The following BTG4 variants were observed in gnomAD, a reference collection of about 807,000 sequenced individuals.
BTG4 encodes BTG anti-proliferation factor 4.
In BTG4, 10 loss-of-function variants were observed where a neutral mutation model predicts 19.3. That is an observed-to-expected ratio of 0.52 (90% CI 0.32 to 0.88). The LOEUF (loss-of-function observed/expected upper bound fraction) is 0.88, where lower values mean the gene tolerates loss of function less well. Among genes scored for constraint, BTG4 ranks in the 40% least tolerant of loss-of-function variants. BTG4 has a pLI of 0.04. For synonymous variants in BTG4, 91 were observed against 95.7 expected, an observed-to-expected ratio of 0.95 and a Z score of 0.29; for missense variants, 238 against 281.9, an observed-to-expected ratio of 0.84 and a Z score of 1.11.
At chr11:111,490,135 A>G (rs1303214431), downstream of BTG4, among the ~76,000 whole-genome samples, 1 of 134,114 alleles carries the variant, frequency 7.5e-6, no homozygotes, top group East Asian at 2.2e-4. Flanking sequence ...AAAAAAAATT[A>G]GCTGGGTGTG....
At chr11:111,405,731 A>G in the BTG4 span, among the ~76,000 whole-genome samples, 1 of 152,214 alleles carries the variant, frequency 6.6e-6, no homozygotes, top group East Asian at 1.9e-4. Flanking sequence ...GGCAGTTAGC[A>G]CAAACTCAAA....
the BTG4 span, among the ~76,000 whole-genome samples, chr11:111,428,013 G>A: frequency 6.6e-6 from 1 of 152,160 alleles, no homozygotes; most frequent in Non-Finnish European, 1.5e-5. Context: ...CAAGCCCCCG[G>A]CAAGCAGCTG....
intron 5 of BTG4, among the ~76,000 whole-genome samples, chr11:111,489,078 C>A (rs143004690): frequency 6.6e-6 from 1 of 151,254 alleles, no homozygotes; most frequent in African/African-American, 2.4e-5. Flanking sequence ...CAGAAGCAGA[C>A]GTTGTGGCGA....
rs1189154053 is a variant in BTG4, at chr11:111,507,754, C to A, written c.-27+4427G>T. On this transcript the variant is annotated intron_variant, in intron 1 of 4. Coordinates refer to ENST00000692032, the MANE Select transcript of BTG4 (RefSeq NM_001367975.1). ...GTCAGCCCCTAAAGAGGAGAGGGAT[C>A]CTCTCAGATTTGATCCTGAGCCTTC... 2.0e-5 allele frequency: 3 copies of A among 152,174 alleles called. No individual in the cohort carries two copies. In the East Asian group the frequency reaches 5.8e-4, roughly 29 times the overall value. 9.4% of individuals were successfully genotyped at this position (152,174 alleles called of 1,614,324 possible).
At chr11:111,408,067 A>T in the BTG4 span, among the ~76,000 whole-genome samples, 27 of 152,350 alleles carry the variant, frequency 1.8e-4, 1 homozygote, top group South Asian at 4.6e-3. Flanking sequence ...TCCACTCTGC[A>T]CAGGCTTACC....
chr11:111,495,329 T>C lies in BTG4; in HGVS notation c.511-15A>G. The C allele has an allele frequency of 6.3e-7, 1 of 1,591,832 alleles. No homozygotes were observed. The highest frequency in any genetic ancestry group is 8.6e-7 in the Non-Finnish European group (1 of 1,162,598). On this transcript the variant is annotated splice_polypyrimidine_tract_variant and intron_variant, in intron 4 of 4. Transcript: ENST00000692032. Reference sequence around the variant, plus strand: ...AAGTTTTCAACCTGGAAAAAAAAAGTATAAAGATCTCTAATAAGCTAGCTG... The same window carrying C: ...AAGTTTTCAACCTGGAAAAAAAAAGCATAAAGATCTCTAATAAGCTAGCTG...
intron 5 of BTG4, among the ~76,000 whole-genome samples, chr11:111,484,424 C>G (rs1367420030): frequency 6.6e-6 from 1 of 152,060 alleles, no homozygotes; most frequent in Non-Finnish European, 1.5e-5. Flanking sequence ...ATAATTACAA[C>G]TACATTTTAA....
chr11:111,507,705 C>A (rs1003162629), intron 1 of BTG4: 13 of 152,140 alleles, frequency 8.5e-5, no homozygotes, highest in African/African-American at 2.9e-4. Context: ...GTGGGCTAAC[C>A]CTTCCCAAGA....
At chr11:111,433,286 A>G in the BTG4 span, among the ~76,000 whole-genome samples, 1 of 152,256 alleles carries the variant, frequency 6.6e-6, no homozygotes, top group Non-Finnish European at 1.5e-5. Flanking sequence ...CAAACCTGAC[A>G]AAAACAAGCA....
chr11:111,442,717 A>G, the BTG4 span, among the ~76,000 whole-genome samples: 2 of 152,140 alleles, frequency 1.3e-5, no homozygotes, highest in Admixed American at 6.6e-5. Context: ...GGGAAAAAAA[A>G]AAACTCTCTA....
chr11:111,413,840 G>A, the BTG4 span, among the ~76,000 whole-genome samples: 1 of 152,208 alleles, frequency 6.6e-6, no homozygotes, highest in Non-Finnish European at 1.5e-5. Flanking sequence ...TTCCAAGAAG[G>A]TACAACCAGA....
chr11:111,445,536 A>G, the BTG4 span, among the ~76,000 whole-genome samples: 1 of 152,232 alleles, frequency 6.6e-6, no homozygotes, highest in Non-Finnish European at 1.5e-5. Context: ...GACTGAGCCT[A>G]GGAAAGAGGT....
At chr11:111,442,598 A>C in the BTG4 span, among the ~76,000 whole-genome samples, 1 of 151,354 alleles carries the variant, frequency 6.6e-6, no homozygotes, top group Non-Finnish European at 1.5e-5. Context: ...AGTACTCGAA[A>C]AACAACAACA....
At chr11:111,490,786 A>G (rs1017526132), downstream of BTG4, among the ~76,000 whole-genome samples, 4 of 152,256 alleles carry the variant, frequency 2.6e-5, no homozygotes, top group African/African-American at 7.2e-5. Flanking sequence ...TGTGTGGAAA[A>G]GCTGAATCAC....
the BTG4 span, among the ~76,000 whole-genome samples, chr11:111,458,661 G>A: frequency 6.6e-6 from 1 of 151,796 alleles, no homozygotes. Context: ...CACTTCCCAC[G>A]AATAAACGCA....
intron 5 of BTG4, among the ~76,000 whole-genome samples, chr11:111,472,199 A>G (rs1276699723): frequency 6.6e-6 from 1 of 152,176 alleles, no homozygotes; most frequent in Admixed American, 6.5e-5. Context: ...AAGCCAAATA[A>G]TATTGTCATG....
chr11:111,429,196 C>CA, the BTG4 span, among the ~76,000 whole-genome samples: 20 of 152,252 alleles, frequency 1.3e-4, no homozygotes, highest in South Asian at 3.9e-3. Flanking sequence ...CAGTTACTCA[C>CA]AAAAACCTAC....
chr11:111,453,421 A>T, the BTG4 span: 2 of 456,394 alleles, frequency 4.4e-6, no homozygotes, highest in South Asian at 3.1e-5. Flanking sequence ...GCAGTGTCAC[A>T]GCCTGAGCTG....
chr11:111,487,038 T>C (rs188595027), intron 5 of BTG4, among the ~76,000 whole-genome samples: 3 of 152,260 alleles, frequency 2.0e-5, no homozygotes, highest in Admixed American at 2.0e-4. Flanking sequence ...GTGTTCTCAT[T>C]GTTCAGCTCC....
Sources: allele counts gnomAD v4.1 joint callset (sites outside exome capture counted in the v4.1 genomes callset), GRCh38; gene constraint gnomAD v4.1.1; transcripts MANE v1.5; gene names NCBI Gene and HGNC (gene_info 2026-07-23, HGNC 2026-07-21).